PRDM10: variants seen among roughly 807,000 people sequenced by gnomAD.
PRDM10 encodes the protein PR domain zinc finger protein 10.
Under a neutral mutation model 133.1 loss-of-function variants are expected in PRDM10, and 65 were observed. The observed-to-expected ratio is 0.49, with a 90% CI of 0.40 to 0.60. The LOEUF (loss-of-function observed/expected upper bound fraction) is 0.60. Among genes scored for constraint, PRDM10 ranks in the 20% least tolerant of loss-of-function variants. PRDM10 has a pLI of 0.00. For missense variants in PRDM10, 1,137 were observed against 1,507.1 expected (o/e 0.75, Z 4.07); for synonymous variants, 582 against 580.4 (o/e 1.00, Z -0.04).
At chr11:129,951,673 C>G (rs1458615929) in intron 4 of PRDM10, among the ~76,000 whole-genome samples, 3 of 152,152 alleles carry the variant, frequency 2.0e-5, no homozygotes, top group African/African-American at 7.2e-5. Flanking sequence ...GAAACGACCA[C>G]GCTGGACAGC....
At chr11:129,998,383 A>C (rs1939169890) in intron 1 of PRDM10, among the ~76,000 whole-genome samples, 1 of 152,136 alleles carries the variant, frequency 6.6e-6, no homozygotes, top group Non-Finnish European at 1.5e-5. Context: ...GGTTAAAAAA[A>C]AAGGGGGGGA....
intron 4 of PRDM10, among the ~76,000 whole-genome samples, chr11:129,954,772 A>T (rs1371050292): frequency 6.6e-6 from 1 of 152,132 alleles, no homozygotes; most frequent in African/African-American, 2.4e-5. Flanking sequence ...ATCTGAGTTT[A>T]AGGGATCCTC....
chr11:129,981,974 A>G (rs60067832), intron 1 of PRDM10, among the ~76,000 whole-genome samples: 7,891 of 151,786 alleles, frequency 0.052, 688 homozygotes, highest in African/African-American at 0.18. Context: ...ATTATAAAAT[A>G]TGGCCAGGTG....
chr11:129,929,534 G>A, intron 11 of PRDM10: 1 of 896,054 alleles, frequency 1.1e-6, no homozygotes, highest in Middle Eastern at 2.2e-4. Flanking sequence ...AAAATACATA[G>A]CCCTACTTTT....
intron 1 of PRDM10, among the ~76,000 whole-genome samples, chr11:129,969,090 G>A (rs1352443948): frequency 6.6e-6 from 1 of 152,206 alleles, no homozygotes; most frequent in Non-Finnish European, 1.5e-5. Context: ...CAGACAGGAA[G>A]CTTCCTCTAG....
At chr11:129,940,813 C>G (rs933670132) in intron 7 of PRDM10, among the ~76,000 whole-genome samples, 1 of 152,166 alleles carries the variant, frequency 6.6e-6, no homozygotes, top group African/African-American at 2.4e-5. Flanking sequence ...GAAAGTTGAA[C>G]CTTTTAATGT....
At position 129,923,643 on chromosome 11, in the gene PRDM10, T is replaced by TGAGAGAGAGAGAGAGAGAGAGAGAGAGA. The variant is rs57429782; in HGVS notation, c.1879-268_1879-241dup. On this transcript the variant is annotated intron_variant, in intron 12 of 20. Transcript: ENST00000360871. This position sits in a 1 kb window ranked among gnomAD's most constrained non-coding sequence, Gnocchi z 4.4. ...CGAACCTCCCCGATGACTTGAAACG[T>TGAGAGAGAGAGAGAGAGAGAGAGAGAGA]GAGAGAGAGAGAGAGAGAGAGAGAG... 1.5e-5 allele frequency among the ~76,000 whole-genome samples: 1 copy of TGAGAGAGAGAGAGAGAGAGAGAGAGAGA among 65,882 alleles called. No individual in the cohort carries two copies. Among genetic ancestry groups the TGAGAGAGAGAGAGAGAGAGAGAGAGAGA allele is most frequent in the East Asian group, 7.0e-4 (1 of 1,420 alleles). 43.2% of individuals were successfully genotyped at this position (65,882 alleles called of 152,430 possible). A position where few individuals can be genotyped will look rare whatever the true frequency, so the allele number is the denominator to read the frequency against.
At chr11:129,977,975 G>A (rs1359339967) in intron 1 of PRDM10, among the ~76,000 whole-genome samples, 1 of 150,862 alleles carries the variant, frequency 6.6e-6, no homozygotes. Context: ...AAAAAAAAAA[G>A]AAAGAAAGAA....
chr11:129,935,253 G>T, intron 8 of PRDM10, 35 bp from the exon 9 acceptor site: 2 of 1,492,792 alleles, frequency 1.3e-6, no homozygotes, highest in South Asian at 2.3e-5. Flanking sequence ...AAAGGCTGAT[G>T]ACCAATAGAC....
intron 6 of PRDM10, 32 bp downstream of exon 6, chr11:129,944,739 A>C: frequency 6.2e-7 from 1 of 1,611,766 alleles, no homozygotes; most frequent in Admixed American, 1.7e-5. Context: ...CTGGTAAAGG[A>C]CAGGAGTGAA....
At chr11:129,922,712 C>T (rs987671514) in intron 13 of PRDM10, among the ~76,000 whole-genome samples, 1 of 152,178 alleles carries the variant, frequency 6.6e-6, no homozygotes, top group African/African-American at 2.4e-5. Context: ...TCTGGGTCCC[C>T]TGCAGGGTTT....
chr11:129,989,053 G>C (rs1216690687), intron 1 of PRDM10, among the ~76,000 whole-genome samples: 2 of 152,186 alleles, frequency 1.3e-5, no homozygotes. Flanking sequence ...AAAGACCACA[G>C]GGAAAGTAGA....
At chr11:129,968,015 C>T (rs1951941984) in intron 1 of PRDM10, among the ~76,000 whole-genome samples, 1 of 152,144 alleles carries the variant, frequency 6.6e-6, no homozygotes, top group Admixed American at 6.5e-5. Flanking sequence ...GCAGGAGCTC[C>T]TGCCTTCATC....
rs371911219 is a variant in PRDM10 at position 129,912,098 on chromosome 11, G to A, written c.2969C>T (p.Pro990Leu). Residue 990 changes from proline to leucine, a missense_variant, in exon 18 of 21, where the codon CCG becomes CTG. Around this residue, in one of 6 missense-constraint regions of PRDM10, gnomAD observed 243 missense variants for 259.2 expected, o/e 0.94. Transcript: ENST00000360871. Reference protein sequence around the residue: ...IQVSEPTASAPSSAQVSGQPL... With the variant: ...IQVSEPTASALSSAQVSGQPL... ...GGAGCAGGGTACCTGGGCGGAGGAC[G>A]GGGCCGAGGCGGTAGGCTCGCTGAC... The A allele has an allele frequency of 1.0e-4, 162 of 1,609,318 alleles. No individual in the cohort carries two copies. The highest frequency in any genetic ancestry group is 1.6e-4 in the East Asian group (7 of 44,548).
chr11:129,966,564 C>A (rs1039763020), intron 1 of PRDM10, among the ~76,000 whole-genome samples: 2 of 152,030 alleles, frequency 1.3e-5, no homozygotes, highest in African/African-American at 4.8e-5. Context: ...GTATTAAAAC[C>A]GAAAGACATG....
chr11:129,958,563 G>T (rs1951740123), intron 2 of PRDM10, among the ~76,000 whole-genome samples: 1 of 152,182 alleles, frequency 6.6e-6, no homozygotes, highest in East Asian at 1.9e-4. Flanking sequence ...AGAATTGCTT[G>T]AACCTGGGAG....
intron 4 of PRDM10, among the ~76,000 whole-genome samples, chr11:129,949,623 T>C (rs1341003445): frequency 6.6e-6 from 1 of 152,156 alleles, no homozygotes; most frequent in Non-Finnish European, 1.5e-5. Flanking sequence ...GAAGAACTTA[T>C]CAAACTCTAA....
At chr11:129,905,558 T>C (rs1210763182) in intron 20 of PRDM10, 80 bp downstream of exon 20, 1 of 1,053,068 alleles carries the variant, frequency 9.5e-7, no homozygotes, top group African/African-American at 1.6e-5. Context: ...AGCCAATCAT[T>C]ACGAGATAAG....
rs1480933689 is a variant in PRDM10 at position 129,914,952 on chromosome 11, T to C, written c.2593A>G (p.Thr865Ala). ...CTGATCACAGCTGTCGTCAGTGGTG[T>C]GTGTATGGTGTTGGAGAGCTGGGCG... is the stretch of plus-strand genomic sequence containing the variant. ...EFAQLSNTIH[T>A]PLTTAVISAT... Residue 865 changes from threonine to alanine, a missense_variant, in exon 17 of 21, where the codon ACA (threonine) becomes GCA (alanine). Thr to Ala is a moderately conservative substitution (Grantham distance 58). Transcript: ENST00000360871. 1 of 1,613,914 alleles carries C rather than the reference T, an allele frequency of 6.2e-7. No homozygotes were observed. The highest frequency in any genetic ancestry group is 1.7e-5 in the Admixed American group (1 of 59,996).
Sources: allele counts gnomAD v4.1 joint callset (sites outside exome capture counted in the v4.1 genomes callset), GRCh38; gene constraint gnomAD v4.1.1; regional missense constraint gnomAD v4.1.1; non-coding constraint Gnocchi (gnomAD v3.1); transcripts MANE v1.5; gene names NCBI Gene and HGNC (gene_info 2026-07-23, HGNC 2026-07-21).